MAK16: variants seen among roughly 807,000 people sequenced by gnomAD.
MAK16 encodes the protein MAK16 homolog, also known as protein MAK16 homolog.
Under a neutral mutation model 49.9 loss-of-function variants are expected in MAK16, and 12 were observed. The ratio of observed to expected loss-of-function variants is 0.24; its 90% CI spans 0.15 to 0.39. The LOEUF (loss-of-function observed/expected upper bound fraction) is 0.39. MAK16 is among the 10% of genes least tolerant of loss of function. The pLI is 1.00. For synonymous variants in MAK16, 115 were observed against 126.4 expected (o/e 0.91, Z 0.60); for missense variants, 292 against 363.7 (o/e 0.80, Z 1.60).
rs1210849706 is a variant in MAK16, at chr8:33,489,691, C to T, written c.392+552C>T. On this transcript the variant is annotated intron_variant, in intron 5 of 9. Transcript: ENST00000360128. The surrounding 1 kb of genome is among the most constrained non-coding windows in gnomAD (Gnocchi z 4.2). ...ATGCCCAGCCTTCAGAAAATTTCCT[C>T]TATGACCCCCGAGGGAATCTTAACT... is the stretch of plus-strand genomic sequence containing the variant. Among the ~76,000 whole-genome samples the T allele has an allele frequency of 6.6e-6, 1 of 152,140 alleles. No individual in the cohort carries two copies. Among genetic ancestry groups the T allele is most frequent in the Non-Finnish European group, 1.5e-5 (1 of 68,038 alleles).
rs1447266709 is a variant in MAK16 at position 33,489,054 on chromosome 8, C to T, written c.307C>T (p.Arg103Cys). ...QIDENLIYWP[R>C]FIRHKCKQRF... Reference sequence around the variant, plus strand: ...AGATGAAAATCTGATTTACTGGCCCCGTTTCATTCGACACAAATGTAAGCA... The same window carrying T: ...AGATGAAAATCTGATTTACTGGCCCTGTTTCATTCGACACAAATGTAAGCA... Residue 103 changes from arginine (R) to cysteine (C), a missense_variant, in exon 5 of 10, where the codon CGT (arginine) becomes TGT (cysteine). Arg to Cys is a radical substitution (Grantham distance 180). Coordinates refer to ENST00000360128, the MANE Select transcript of MAK16 (RefSeq NM_032509.4). The surrounding 1 kb of genome is among the most constrained non-coding windows in gnomAD (Gnocchi z 4.2). 2 of 1,613,970 alleles carry T rather than the reference C, an allele frequency of 1.2e-6. No homozygotes were observed. Among genetic ancestry groups the T allele is most frequent in the Non-Finnish European group, 1.7e-6 (2 of 1,179,876 alleles).
rs1809045306 is a variant in MAK16, at chr8:33,500,708, C to T, written c.*2079C>T. On this transcript the variant is annotated 3_prime_UTR_variant, in exon 10 of 10. Coordinates refer to ENST00000360128, the MANE Select transcript of MAK16 (RefSeq NM_032509.4). ...ATACTGCCTATACACACAGACACACCCTCTGCCACACTGCTCTCTTCCTTC... is the reference window on the plus strand; with the variant it reads ...ATACTGCCTATACACACAGACACACTCTCTGCCACACTGCTCTCTTCCTTC... The T allele has an allele frequency of 1.9e-6, 1 of 518,654 alleles. No homozygotes were observed. Among genetic ancestry groups the T allele is most frequent in the South Asian group, 2.1e-5 (1 of 47,430 alleles). The allele number at this position is 518,654 out of a possible 1,614,324, so 32.1% of individuals were successfully genotyped here.
chr8:33,496,748 CTT>C lies in MAK16; in HGVS notation c.639+8_639+9del, dbSNP rs1280954138. 4.4e-6 allele frequency: 7 copies of C among 1,594,010 alleles called. No homozygotes were observed. Among genetic ancestry groups the C allele is most frequent in the African/African-American group, 4.0e-5 (3 of 74,540 alleles). ...TGATGATGATGATGAGGAAGTAAGT[CTT>C]GTTTTTGTTTTGCCAAACCTACTAG... On this transcript the variant is annotated splice_region_variant and intron_variant, in intron 8 of 9. Transcript: ENST00000360128.
In MAK16 at chr8:33,488,771, G is replaced by A. The variant is rs756018032; in HGVS notation, c.213G>A (p.Ala71=). 7.1e-5 allele frequency: 115 copies of A among 1,614,044 alleles called. No individual in the cohort carries two copies. Among genetic ancestry groups the A allele is most frequent in the Admixed American group, 2.8e-4 (17 of 59,998 alleles). Residue 71 remains alanine (A), a synonymous_variant, in exon 4 of 10, where the codon GCG becomes GCA. Transcript: ENST00000360128. ...CYLYMKVIER[A]AFPRRLWERV... is the part of the protein sequence containing the mutation. ...TGTATATGAAGGTTATAGAACGAGC[G>A]GCTTTTCCTCGGCGTCTCTGGGAAC...
rs370641744 is a variant in MAK16 at position 33,497,444 on chromosome 8, G to A, written c.705+147G>A. ...AAATGGGAGGATTGTTTGAGCTCAG[G>A]AGTTCGAGACCAGCCTGAAGAACAT... On this transcript the variant is annotated intron_variant, in intron 9 of 9. Coordinates refer to ENST00000360128, the MANE Select transcript of MAK16 (RefSeq NM_032509.4). The A allele has an allele frequency of 7.3e-4, 448 of 615,634 alleles. 3 individuals carry two copies. The South Asian group carries it at 9.2e-3, about 13-fold the overall frequency. 38.1% of individuals were successfully genotyped at this position (615,634 alleles called of 1,614,324 possible).
chr8:33,486,649 G>A (rs977251777), intron 1 of MAK16, among the ~76,000 whole-genome samples: 4 of 152,308 alleles, frequency 2.6e-5, no homozygotes, highest in Admixed American at 6.5e-5. Context: ...GACCTTTTAC[G>A]TCAGTATAAT....
rs143113617 is a variant in MAK16 at position 33,499,216 on chromosome 8, T to C, written c.*587T>C. The C allele has an allele frequency of 5.8e-5, 94 of 1,614,148 alleles. No individual in the cohort carries two copies. The African/African-American group carries it at 1.2e-3, about 20-fold the overall frequency. ...TGCGCCTTCAGAAACCTGCTGCACT[T>C]TTCTGATATAGTTCACCACTTTTCT... On this transcript the variant is annotated 3_prime_UTR_variant, in exon 10 of 10. Transcript: ENST00000360128.
Position 33,499,086 on chromosome 8 carries a change from A to G in MAK16, c.*457A>G. 1 of 1,166,900 alleles carries G rather than the reference A, an allele frequency of 8.6e-7. No individual in the cohort carries two copies. Among genetic ancestry groups the G allele is most frequent in the Non-Finnish European group, 1.3e-6 (1 of 786,614 alleles). 72.3% of individuals were successfully genotyped at this position (1,166,900 alleles called of 1,614,324 possible). The stretch of plus-strand genomic sequence containing the variant: ...AGCTTTCACTTACAAAGTTTCGTGT[A>G]AAAATATCTTTTTTTCTTAAATAAC... On this transcript the variant is annotated 3_prime_UTR_variant, in exon 10 of 10. Transcript: ENST00000360128.
chr8:33,498,312 C>T, intron 9 of MAK16, 120 bp from the exon 10 acceptor site: 1 of 640,088 alleles, frequency 1.6e-6, no homozygotes, highest in Non-Finnish European at 2.5e-6. Flanking sequence ...GGGACAATTT[C>T]TGAACACAGA....
chr8:33,489,349 CCTT>C lies in MAK16; in HGVS notation c.392+211_392+213del, dbSNP rs534139355. ...TAGAATACAACTTGATTATCACCCT[CCTT>C]GTCTGAAAATCTTTCAGAAAATTTT... On this transcript the variant is annotated intron_variant, in intron 5 of 9. Transcript: ENST00000360128. The surrounding 1 kb of genome is among the most constrained non-coding windows in gnomAD (Gnocchi z 4.2). 5.8e-4 allele frequency: 285 copies of C among 490,700 alleles called. No individual in the cohort carries two copies. Among genetic ancestry groups the C allele is most frequent in the African/African-American group, 5.0e-3 (251 of 50,292 alleles). The allele number at this position is 490,700 out of a possible 1,614,324, so 30.4% of individuals were successfully genotyped here.
In MAK16 at chr8:33,490,307, A is replaced by G. The variant is rs762830037; in HGVS notation, c.415A>G (p.Lys139Glu). The change falls in exon 6 of 10, where the codon AAG (lysine) becomes GAG (glutamate). Residue 139 changes from lysine to glutamate, a missense_variant. By Grantham distance (56) the Lys-to-Glu change is moderately conservative (BLOSUM62 1). Coordinates refer to ENST00000360128, the MANE Select transcript of MAK16 (RefSeq NM_032509.4). Reference protein sequence around the residue: ...KRQRKLVPLSKKVERREKRRE... With the variant: ...KRQRKLVPLSEKVERREKRRE... ...TAGGAGGAAACTTGTTCCTTTGAGT[A>G]AGAAGGTGGAGCGTAGGGAGAAAAG... 4 of 1,613,134 alleles carry G rather than the reference A, an allele frequency of 2.5e-6. No individual in the cohort carries two copies. The highest frequency in any genetic ancestry group is 3.4e-6 in the Non-Finnish European group (4 of 1,179,158).
In MAK16 at chr8:33,494,458, G is replaced by GAATATTCAGAATA. The variant is rs1808824818; in HGVS notation, c.448-1084_448-1083insAATATTCAGAATA. Among the ~76,000 whole-genome samples the GAATATTCAGAATA allele has an allele frequency of 5.3e-5, 8 of 152,278 alleles. No individual in the cohort carries two copies. In the South Asian group the frequency reaches 1.7e-3, roughly 32 times the overall value. On this transcript the variant is annotated intron_variant, in intron 6 of 9. Coordinates refer to ENST00000360128, the MANE Select transcript of MAK16 (RefSeq NM_032509.4). Reference sequence around the variant, plus strand: ...CTCTCTATCTTTGGCAGAATATTCAGTGTCATCTATGAATCCGCTTAACTA... The same window carrying GAATATTCAGAATA: ...CTCTCTATCTTTGGCAGAATATTCAGAATATTCAGAATATGTCATCTATGAATCCGCTTAACTA...
intron 6 of MAK16, among the ~76,000 whole-genome samples, chr8:33,490,998 GA>G (rs1278749829): frequency 6.6e-6 from 1 of 151,866 alleles, no homozygotes; most frequent in Non-Finnish European, 1.5e-5. Flanking sequence ...CAATTGTTTT[GA>G]TTTTTTGATC....
intron 7 of MAK16, among the ~76,000 whole-genome samples, chr8:33,496,119 G>C (rs915942467): frequency 1.3e-5 from 2 of 152,022 alleles, no homozygotes; most frequent in African/African-American, 4.8e-5. Flanking sequence ...CACTATAAGA[G>C]ACCTTTCCCT....
chr8:33,497,473 G>A (rs1808889061), intron 9 of MAK16, among the ~76,000 whole-genome samples, 176 bp downstream of exon 9: 1 of 150,970 alleles, frequency 6.6e-6, no homozygotes, highest in African/African-American at 2.4e-5. Flanking sequence ...AGAACATAGT[G>A]AGACCTCATC....
Position 33,495,624 on chromosome 8 carries a change from A to G in MAK16, c.522+8A>G. On this transcript the variant is annotated splice_region_variant and intron_variant, in intron 7 of 9. Coordinates refer to ENST00000360128, the MANE Select transcript of MAK16 (RefSeq NM_032509.4). ...AGACTGAAACAAGATACGGTGAGAAAGCCATTAGCTTTGGGGTACTGAAAT... is the reference window on the plus strand; with the variant it reads ...AGACTGAAACAAGATACGGTGAGAAGGCCATTAGCTTTGGGGTACTGAAAT... The G allele has an allele frequency of 6.2e-7, 1 of 1,605,644 alleles. No individual in the cohort carries two copies. Among genetic ancestry groups the G allele is most frequent in the Non-Finnish European group, 8.5e-7 (1 of 1,174,636 alleles).
intron 7 of MAK16, 76 bp from the exon 8 acceptor site, chr8:33,496,549 T>C: frequency 9.2e-7 from 1 of 1,089,994 alleles, no homozygotes; most frequent in South Asian, 1.5e-5. Context: ...GAAAAAGTAA[T>C]ATTCTCCACA....
chr8:33,486,320 G>C lies in MAK16; in HGVS notation c.15+1099G>C, dbSNP rs139760038. On this transcript the variant is annotated intron_variant, in intron 1 of 9. Coordinates refer to ENST00000360128, the MANE Select transcript of MAK16 (RefSeq NM_032509.4). ...GTAATCCCAACGCTTTGGGAGGCTG[G>C]GGCTGGAGGATCGCTTGAGGCCAGG... Among the ~76,000 whole-genome samples, 1,124 of 152,234 alleles carry C rather than the reference G, an allele frequency of 7.4e-3. 4 individuals are homozygous for C. The highest frequency in any genetic ancestry group is 0.012 in the Non-Finnish European group (783 of 68,010).
chr8:33,494,554 G>A (rs571537718), intron 6 of MAK16, among the ~76,000 whole-genome samples: 5 of 152,236 alleles, frequency 3.3e-5, no homozygotes, highest in Admixed American at 2.0e-4. Flanking sequence ...CCTATCTGCC[G>A]TATTCCTCCC....
Sources: gnomAD v4.1 joint callset for allele counts (sites outside exome capture counted in the v4.1 genomes callset) on GRCh38, gnomAD v4.1.1 for gene constraint, Gnocchi (gnomAD v3.1) non-coding constraint, MANE v1.5 for transcripts, NCBI Gene and HGNC (gene_info 2026-07-23, HGNC 2026-07-21) for gene names.